LHX6: variants seen among roughly 807,000 people sequenced by gnomAD.
LHX6 encodes the protein LIM homeobox 6.
LHX6 carries 15 observed loss-of-function variants against 47.1 expected under a neutral mutation model. The observed-to-expected ratio is 0.32, with a 90% confidence interval of 0.21 to 0.49. The LOEUF is 0.49. Among genes scored for constraint, LHX6 ranks in the 20% least tolerant of loss-of-function variants. The probability of loss-of-function intolerance (pLI) is 0.99; values close to 1 mark genes in which losing one functional copy is unlikely to be tolerated. For synonymous variants in LHX6, 242 were observed against 233.5 expected, an observed-to-expected ratio of 1.04 and a Z score of -0.33; for missense variants, 404 against 539.6, an observed-to-expected ratio of 0.75 and a Z score of 2.49.
chr9:122,207,324 A>G (rs1022232097), intron 9 of LHX6, among the ~76,000 whole-genome samples: 2 of 152,218 alleles, frequency 1.3e-5, no homozygotes, highest in Non-Finnish European at 2.9e-5. Flanking sequence ...TGTGTACACA[A>G]TGAAGTGCTG....
intron 4 of LHX6, among the ~76,000 whole-genome samples, chr9:122,220,473 A>C (rs943759654): frequency 6.6e-6 from 1 of 152,246 alleles, no homozygotes; most frequent in Non-Finnish European, 1.5e-5. Context: ...AGGCTCCGAC[A>C]GAACGACAGA....
chr9:122,219,758 G>A (rs1830760779), intron 4 of LHX6, among the ~76,000 whole-genome samples: 1 of 152,174 alleles, frequency 6.6e-6, no homozygotes, highest in Admixed American at 6.5e-5. Context: ...CACAGGGTAT[G>A]AGGCTGGGGT....
chr9:122,227,295 C>A, intron 2 of LHX6, 114 bp downstream of exon 2: 1 of 1,133,334 alleles, frequency 8.8e-7, no homozygotes, highest in Non-Finnish European at 1.2e-6. Flanking sequence ...GGGCGGCGCC[C>A]GCCGGGAGTC....
At position 122,202,637 on chromosome 9, in the gene LHX6, T is replaced by G. The variant is rs974179015; in HGVS notation, c.*2123A>C. 5 of 152,620 alleles carry G rather than the reference T, an allele frequency of 3.3e-5. No homozygotes were observed. Among genetic ancestry groups the G allele is most frequent in the African/African-American group, 1.2e-4 (5 of 41,424 alleles). The allele number at this position is 152,620 out of a possible 1,614,324, so 9.5% of individuals were successfully genotyped here. A position where few individuals can be genotyped will look rare whatever the true frequency, so the allele number is the denominator to read the frequency against. Reference sequence around the variant, plus strand: ...TTAACTTTATTACACAAATAAGACATTTACAAAGCACGACATGAAAGGTAT... The same window carrying G: ...TTAACTTTATTACACAAATAAGACAGTTACAAAGCACGACATGAAAGGTAT... On this transcript the variant is annotated 3_prime_UTR_variant, in exon 10 of 10. Transcript: ENST00000394319.
chr9:122,221,733 C>G (rs1830871357), intron 4 of LHX6: 1 of 985,404 alleles, frequency 1.0e-6, no homozygotes, highest in African/African-American at 1.7e-5. Flanking sequence ...CCCAGGGAGC[C>G]ACACATCAGA....
intron 4 of LHX6, among the ~76,000 whole-genome samples, chr9:122,219,675 T>TG (rs1383858598): frequency 1.3e-5 from 2 of 151,900 alleles, no homozygotes; most frequent in Non-Finnish European, 2.9e-5. Context: ...CCCGGTGAGG[T>TG]GGGGACTCTG....
In LHX6 at chr9:122,227,470, T is replaced by A; in HGVS notation, c.95A>T (p.Gln32Leu). 1.5e-6 allele frequency: 1 copy of A among 661,266 alleles called. No homozygotes were observed. The highest frequency in any genetic ancestry group is 1.6e-5 in the South Asian group (1 of 63,518). The allele number at this position is 661,266 out of a possible 1,614,324, so 41.0% of individuals were successfully genotyped here. A position where few individuals can be genotyped will look rare whatever the true frequency, so the allele number is the denominator to read the frequency against. ...GGPATDQVMA[Q>L]PGSGCKATTR... The stretch of plus-strand genomic sequence containing the variant: ...GGTCGCTTTGCAGCCGGACCCTGGC[T>A]GGGCCATCACCTGGGGGAGGGGGGG... Residue 32 changes from glutamine to leucine, a missense_variant, in exon 2 of 10, where the codon CAG (glutamine) becomes CTG (leucine). Physicochemically the swap from Gln to Leu is moderately radical, Grantham distance 113 (BLOSUM62 -2). This residue lies in a region of LHX6 where 144 missense variants were observed against 128.7 expected (regional missense o/e 1.12). Transcript: ENST00000394319.
In LHX6 at chr9:122,226,668, C is replaced by T. The variant is rs1165454788; in HGVS notation, c.340-171G>A. Reference sequence around the variant, plus strand: ...CTCAGGGAAATGGAAATAAACTCTTCTTATTTTTCAGACGGAACCCGGGGG... The same window carrying T: ...CTCAGGGAAATGGAAATAAACTCTTTTTATTTTTCAGACGGAACCCGGGGG... On this transcript the variant is annotated intron_variant, in intron 3 of 9. Transcript: ENST00000394319. The surrounding 1 kb of genome is among the most constrained non-coding windows in gnomAD (Gnocchi z 6.5). 2 of 1,262,156 alleles carry T rather than the reference C, an allele frequency of 1.6e-6. No individual in the cohort carries two copies. Among genetic ancestry groups the T allele is most frequent in the Non-Finnish European group, 2.1e-6 (2 of 932,468 alleles). 78.2% of individuals were successfully genotyped at this position (1,262,156 alleles called of 1,614,324 possible).
chr9:122,227,914 T>G (rs1390492790), intron 1 of LHX6: 2 of 347,374 alleles, frequency 5.8e-6, no homozygotes, highest in Non-Finnish European at 1.0e-5. Context: ...TTTGATTTTT[T>G]AATGGTAGTA....
intron 1 of LHX6, 106 bp downstream of exon 1, chr9:122,228,551 G>A: frequency 8.0e-7 from 1 of 1,243,196 alleles, no homozygotes; most frequent in Non-Finnish European, 1.0e-6. Flanking sequence ...GCGCACCCTC[G>A]TACCCCTCCT....
intron 1 of LHX6, chr9:122,228,255 G>A (rs1831192143): frequency 5.2e-6 from 8 of 1,534,612 alleles, no homozygotes; most frequent in Middle Eastern, 1.7e-4. Context: ...AGAAAAGAGA[G>A]GCGCTCAAGG....
At chr9:122,208,958 C>T (rs1830297014) in intron 9 of LHX6, among the ~76,000 whole-genome samples, 1 of 151,986 alleles carries the variant, frequency 6.6e-6, no homozygotes, top group African/African-American at 2.4e-5. Flanking sequence ...TCGAGGCTAA[C>T]TGTGAGGTGT....
In LHX6 at chr9:122,209,697, C is replaced by T. The variant is rs1403608419; in HGVS notation, c.1075G>A (p.Val359Met). The T allele has an allele frequency of 9.7e-6, 9 of 932,284 alleles. No individual in the cohort carries two copies. Among genetic ancestry groups the T allele is most frequent in the Non-Finnish European group, 1.6e-5 (9 of 556,940 alleles). 57.8% of individuals were successfully genotyped at this position (932,284 alleles called of 1,614,324 possible). A position where few individuals can be genotyped will look rare whatever the true frequency, so the allele number is the denominator to read the frequency against. Reference sequence around the variant, plus strand: ...GCGGTGTAAGGCAGCCGGCAGTGCACCTGCCCGCACTGTACCTGACCTGTG... The same window carrying T: ...GCGGTGTAAGGCAGCCGGCAGTGCATCTGCCCGCACTGTACCTGACCTGTG... Reference protein sequence around the residue: ...YIESQVQCGQVHCRLPYTAPP... With the variant: ...YIESQVQCGQMHCRLPYTAPP... Residue 359 changes from valine to methionine, a missense_variant, in exon 9 of 10, where the codon GTG becomes ATG. Physicochemically the swap from Val to Met is conservative, Grantham distance 21 (BLOSUM62 1). Coordinates refer to ENST00000394319, the MANE Select transcript of LHX6 (RefSeq NM_014368.5).
In LHX6 at chr9:122,214,049, C is replaced by A. The variant is rs768108756; in HGVS notation, c.804G>T (p.Ala268=). 1.9e-6 allele frequency: 3 copies of A among 1,601,252 alleles called. No individual in the cohort carries two copies. The highest frequency in any genetic ancestry group is 2.5e-6 in the Non-Finnish European group (3 of 1,179,234). Reference sequence around the variant, plus strand: ...TCTGAGCGTCGGGGTTGTTGTCCTGCGCGAACTGCGCCTGCATAACCTGCG... The same window carrying A: ...TCTGAGCGTCGGGGTTGTTGTCCTGAGCGAACTGCGCCTGCATAACCTGCG... ...EQLQVMQAQF[A]QDNNPDAQTL... is the part of the protein sequence containing the mutation. The change falls in exon 7 of 10, where the codon GCG becomes GCT. Residue 268 remains alanine, a synonymous_variant. Transcript: ENST00000394319. This position sits in a 1 kb window ranked among gnomAD's most constrained non-coding sequence, Gnocchi z 4.6.
Position 122,226,306 on chromosome 9 carries a change from CAAA to C in LHX6, c.461+67_461+69del. The C allele has an allele frequency of 2.6e-6, 4 of 1,546,834 alleles. No homozygotes were observed. Among genetic ancestry groups the C allele is most frequent in the Non-Finnish European group, 3.5e-6 (4 of 1,146,570 alleles). ...GTTCTGGAGGAGAGACCACACGCCGCAAAAGTGGCCTCCGAATGCGCCCGGGGC... is the reference window on the plus strand; with the variant it reads ...GTTCTGGAGGAGAGACCACACGCCGCAGTGGCCTCCGAATGCGCCCGGGGC... On this transcript the variant is annotated intron_variant, in intron 4 of 9. Transcript: ENST00000394319. This position sits in a 1 kb window ranked among gnomAD's most constrained non-coding sequence, Gnocchi z 6.5.
chr9:122,225,978 G>A, intron 4 of LHX6, among the ~76,000 whole-genome samples: 1 of 152,156 alleles, frequency 6.6e-6, no homozygotes, highest in Non-Finnish European at 1.5e-5. Flanking sequence ...GGAACTCGAA[G>A]CCCGAACGCA....
chr9:122,223,520 A>T (rs1230249964), intron 4 of LHX6, among the ~76,000 whole-genome samples: 1 of 152,078 alleles, frequency 6.6e-6, no homozygotes, highest in African/African-American at 2.4e-5. Context: ...CTTTATAGAG[A>T]CTTCCCCCCA....
At chr9:122,225,873 G>A (rs1831073586) in intron 4 of LHX6, among the ~76,000 whole-genome samples, 1 of 152,232 alleles carries the variant, frequency 6.6e-6, no homozygotes, top group Non-Finnish European at 1.5e-5. Context: ...CGAACCCAGA[G>A]CGGAGCGAGG....
At chr9:122,228,495 C>G (rs1588368682) in intron 1 of LHX6, 162 bp downstream of exon 1, 1 of 1,014,306 alleles carries the variant, frequency 9.9e-7, no homozygotes, top group Non-Finnish European at 1.2e-6. Context: ...GACCCCCCCC[C>G]CCCGCTCGCG....
Sources: gnomAD v4.1 joint callset for allele counts (sites outside exome capture counted in the v4.1 genomes callset) on GRCh38, gnomAD v4.1.1 for gene constraint, gnomAD v4.1.1 regional missense constraint, Gnocchi (gnomAD v3.1) non-coding constraint, MANE v1.5 for transcripts, NCBI Gene and HGNC (gene_info 2026-07-23, HGNC 2026-07-21) for gene names.